TMEM80: variants seen among roughly 807,000 people sequenced by gnomAD.
TMEM80 encodes transmembrane protein 80.
Under a neutral mutation model 13.6 loss-of-function variants are expected in TMEM80, and 16 were observed. The ratio of observed to expected loss-of-function variants is 1.17; its 90% confidence interval spans 0.79 to 1.78. TMEM80 has a LOEUF of 1.78. Among genes scored for constraint, TMEM80 ranks in the 40% most tolerant of loss-of-function variants. The probability of loss-of-function intolerance (pLI) is 0.00; values close to 1 mark genes in which losing one functional copy is unlikely to be tolerated. For synonymous variants in TMEM80, 92 were observed against 89.5 expected (o/e 1.03, Z -0.16); for missense variants, 167 against 184.6 (o/e 0.90, Z 0.55).
intron 1 of TMEM80, among the ~76,000 whole-genome samples, chr11:698,602 C>T (rs1244766541): frequency 1.3e-5 from 2 of 152,076 alleles, no homozygotes; most frequent in African/African-American, 4.8e-5. Flanking sequence ...TGGGTCTGGC[C>T]CAGGTTCACT....
At chr11:701,355 ATTTTG>A (rs1013633727) in intron 4 of TMEM80, among the ~76,000 whole-genome samples, 3 of 137,390 alleles carry the variant, frequency 2.2e-5, no homozygotes, top group Non-Finnish European at 4.8e-5. Flanking sequence ...CGCCCAGCTA[ATTTTG>A]TTTTGTTTTG....
At chr11:704,445 C>G, downstream of TMEM80, 1 of 1,289,090 alleles carries the variant, frequency 7.8e-7, no homozygotes, top group Non-Finnish European at 1.0e-6. Flanking sequence ...CCCCCAGTGG[C>G]CACGGTGAGC....
At chr11:704,517 C>G, downstream of TMEM80, 2 of 1,289,456 alleles carry the variant, frequency 1.6e-6, no homozygotes, top group Middle Eastern at 2.1e-4. Flanking sequence ...GGCCACCTCC[C>G]TCACCAGCGC....
At chr11:702,282 G>A (rs963808444) in intron 4 of TMEM80, among the ~76,000 whole-genome samples, 5 of 152,236 alleles carry the variant, frequency 3.3e-5, no homozygotes, top group African/African-American at 1.2e-4. Flanking sequence ...TTGCCCCCCA[G>A]GGCGGGCACT....
Position 703,635 on chromosome 11 carries a change from A to G in TMEM80, c.*485A>G, listed in dbSNP as rs540023357. The G allele has an allele frequency of 1.3e-5, 16 of 1,232,766 alleles. No individual in the cohort carries two copies. In the South Asian group the frequency reaches 6.1e-4, roughly 47 times the overall value. 76.4% of individuals were successfully genotyped at this position (1,232,766 alleles called of 1,614,324 possible). On this transcript the variant is annotated 3_prime_UTR_variant, in exon 5 of 5. Coordinates refer to ENST00000397510, the MANE Select transcript of TMEM80 (RefSeq NM_001042463.3). Reference sequence around the variant, plus strand: ...CCTGTGTTTCCAAGTCGGGCTGGAGACGCAGGATGGGGTAGGCCTTGTGCT... The same window carrying G: ...CCTGTGTTTCCAAGTCGGGCTGGAGGCGCAGGATGGGGTAGGCCTTGTGCT...
rs1040737979 is a variant in TMEM80 at position 700,451 on chromosome 11, C to T, written c.134-164C>T. ...CTGAGGTGGGAGGATTGCTTGAACCCGGGAGGTGGAGGTTCCAGTGAGCCA... is the reference window on the plus strand; with the variant it reads ...CTGAGGTGGGAGGATTGCTTGAACCTGGGAGGTGGAGGTTCCAGTGAGCCA... On this transcript the variant is annotated intron_variant, in intron 3 of 4. Transcript: ENST00000397510. Among the ~76,000 whole-genome samples the T allele has an allele frequency of 2.7e-5, 4 of 150,872 alleles. No individual in the cohort carries two copies. In the East Asian group the frequency reaches 5.9e-4, roughly 22 times the overall value.
At chr11:701,942 C>T (rs981906474) in intron 4 of TMEM80, among the ~76,000 whole-genome samples, 1 of 152,224 alleles carries the variant, frequency 6.6e-6, no homozygotes, top group Non-Finnish European at 1.5e-5. Context: ...CAGCCCTCTG[C>T]GTGCTCATGG....
intron 1 of TMEM80, 86 bp from the exon 2 acceptor site, chr11:698,783 G>C (rs201988668): frequency 6.1e-6 from 9 of 1,480,738 alleles, no homozygotes; most frequent in Non-Finnish European, 8.5e-6. Flanking sequence ...AAATAAAGCA[G>C]GGGTGGTTCC....
At position 703,068 on chromosome 11, in the gene TMEM80, G is replaced by A. The variant is rs1407959265; in HGVS notation, c.350G>A (p.Trp117Ter). 3.7e-6 allele frequency: 6 copies of A among 1,612,622 alleles called. No individual in the cohort carries two copies. Among genetic ancestry groups the A allele is most frequent in the Non-Finnish European group, 4.2e-6 (5 of 1,179,768 alleles). ...LWQALVLWAD[W>*]ALSATLLALH... ...CAGGCCCTAGTGTTGTGGGCGGACT[G>A]GGCCCTCAGCGCCACGCTCCTGGCC... is the stretch of plus-strand genomic sequence containing the variant. The change falls in exon 5 of 5, where the codon TGG becomes TAG. Residue 117 changes from tryptophan to a stop codon, truncating the protein, a stop_gained. Transcript: ENST00000397510. LOFTEE classifies it low-confidence loss of function (END_TRUNC).
chr11:704,088 C>T lies in TMEM80; in HGVS notation c.*938C>T, dbSNP rs1465765257. ...CCCAAATATCTAGATATTTTCTCTT[C>T]ACCGCATTTTGTAAATAAAGAGATG... is the stretch of plus-strand genomic sequence containing the variant. On this transcript the variant is annotated 3_prime_UTR_variant, in exon 5 of 5. Coordinates refer to ENST00000397510, the MANE Select transcript of TMEM80 (RefSeq NM_001042463.3). The T allele has an allele frequency of 9.0e-7, 1 of 1,112,104 alleles. No homozygotes were observed. The highest frequency in any genetic ancestry group is 6.3e-5 in the East Asian group (1 of 15,968). The allele number at this position is 1,112,104 out of a possible 1,614,324, so 68.9% of individuals were successfully genotyped here. A position where few individuals can be genotyped will look rare whatever the true frequency, so the allele number is the denominator to read the frequency against.
At chr11:702,014 A>G (rs746525585) in intron 4 of TMEM80, among the ~76,000 whole-genome samples, 6 of 152,182 alleles carry the variant, frequency 3.9e-5, no homozygotes, top group African/African-American at 7.2e-5. Context: ...GGGGAACGCA[A>G]TGGGCACTTC....
intron 4 of TMEM80, among the ~76,000 whole-genome samples, chr11:702,366 C>T (rs1475840597): frequency 6.6e-6 from 1 of 152,222 alleles, no homozygotes; most frequent in Non-Finnish European, 1.5e-5. Context: ...TGGGCCTGCC[C>T]TGAGGTGGTG....
chr11:696,192 C>G (rs1295354604), intron 1 of TMEM80, among the ~76,000 whole-genome samples: 2 of 152,110 alleles, frequency 1.3e-5, no homozygotes, highest in African/African-American at 4.8e-5. Context: ...CCTTGGAACT[C>G]TCGCCAAAGA....
intron 4 of TMEM80, 155 bp downstream of exon 4, chr11:700,862 C>T: frequency 1.4e-6 from 1 of 715,878 alleles, no homozygotes; most frequent in South Asian, 1.6e-5. Flanking sequence ...CTTACAGTGT[C>T]ATTAAGTATT....
chr11:704,106 A>G lies in TMEM80; in HGVS notation c.*956A>G. 1 of 1,099,582 alleles carries G rather than the reference A, an allele frequency of 9.1e-7. No individual in the cohort carries two copies. The highest frequency in any genetic ancestry group is 1.1e-6 in the Non-Finnish European group (1 of 898,474). 68.1% of individuals were successfully genotyped at this position (1,099,582 alleles called of 1,614,324 possible). A position where few individuals can be genotyped will look rare whatever the true frequency, so the allele number is the denominator to read the frequency against. On this transcript the variant is annotated 3_prime_UTR_variant, in exon 5 of 5. Transcript: ENST00000397510. ...TTCTCTTCACCGCATTTTGTAAATA[A>G]AGAGATGTGTATGCCTCCCTGAATT...
intron 4 of TMEM80, 39 bp from the exon 5 acceptor site, chr11:702,906 C>T (rs1861560779): frequency 6.4e-7 from 1 of 1,552,264 alleles, no homozygotes; most frequent in Non-Finnish European, 8.8e-7. Context: ...CCAGGGAGCG[C>T]CTCGCACCAC....
intron 4 of TMEM80, among the ~76,000 whole-genome samples, chr11:701,376 T>G (rs11605480): frequency 1.2e-3 from 90 of 72,126 alleles, no homozygotes; most frequent in Non-Finnish European, 2.2e-3. Flanking sequence ...TTTTGTTTTG[T>G]TTTTTTTTGG....
At chr11:696,590 C>T in intron 1 of TMEM80, among the ~76,000 whole-genome samples, 1 of 151,884 alleles carries the variant, frequency 6.6e-6, no homozygotes, top group Admixed American at 6.6e-5. Context: ...CATAGCAAGA[C>T]CCCCTCTATA....
At chr11:695,744 G>C (rs909725164), upstream of TMEM80, 16 of 1,240,052 alleles carry the variant, frequency 1.3e-5, no homozygotes, top group African/African-American at 2.2e-4. Flanking sequence ...TTCGTCAGGA[G>C]ACGCGAAAAT....
Sources: allele counts gnomAD v4.1 joint callset (sites outside exome capture counted in the v4.1 genomes callset), GRCh38; gene constraint gnomAD v4.1.1; transcripts MANE v1.5; gene names NCBI Gene and HGNC (gene_info 2026-07-23, HGNC 2026-07-21).